Variants in COL25A1 observed in about 807,000 individuals in gnomAD.
The protein encoded by COL25A1 is collagen alpha-1(XXV) chain.
Under a neutral mutation model 128.4 loss-of-function variants are expected in COL25A1, and 103 were observed. The ratio of observed to expected loss-of-function variants is 0.80; its 90% confidence interval spans 0.68 to 0.94. The LOEUF (loss-of-function observed/expected upper bound fraction) is 0.94. Among genes scored for constraint, COL25A1 ranks in the 40% least tolerant of loss-of-function variants. The probability of loss-of-function intolerance (pLI) is 0.00; values close to 1 mark genes in which losing one functional copy is unlikely to be tolerated. For synonymous variants in COL25A1, 279 were observed against 277.2 expected, an observed-to-expected ratio of 1.01 and a Z score of -0.06; for missense variants, 745 against 840.0, an observed-to-expected ratio of 0.89 and a Z score of 1.40.
chr4:109,287,986 G>C (rs932241319), intron 3 of COL25A1, among the ~76,000 whole-genome samples: 2 of 151,980 alleles, frequency 1.3e-5, no homozygotes, highest in African/African-American at 4.8e-5. Flanking sequence ...ACATGCATGA[G>C]TAAGATGGGA....
At chr4:109,206,956 C>T (rs1177120276) in intron 3 of COL25A1, among the ~76,000 whole-genome samples, 1 of 152,172 alleles carries the variant, frequency 6.6e-6, no homozygotes, top group Non-Finnish European at 1.5e-5. Context: ...GGCATTCCTT[C>T]ATTACGTATA....
chr4:108,920,653 CT>C, intron 11 of COL25A1, 49 bp from the exon 12 acceptor site: 1 of 1,425,354 alleles, frequency 7.0e-7, no homozygotes, highest in Non-Finnish European at 9.8e-7. Context: ...GCCATTTAAG[CT>C]TAGATGACCA....
chr4:109,236,273 T>G (rs949165751), intron 3 of COL25A1, among the ~76,000 whole-genome samples: 58 of 152,212 alleles, frequency 3.8e-4, no homozygotes, highest in African/African-American at 1.4e-3. Flanking sequence ...AAACTTTATG[T>G]TATACACAAT....
chr4:109,218,357 G>GTT (rs34056401), intron 3 of COL25A1, among the ~76,000 whole-genome samples: 3,622 of 73,198 alleles, frequency 0.049, 90 homozygotes, highest in South Asian at 0.1. Flanking sequence ...GTTTTTTGGG[G>GTT]TTTTTTTTTT....
At chr4:109,122,562 T>C (rs866468756) in intron 3 of COL25A1, among the ~76,000 whole-genome samples, 1 of 152,046 alleles carries the variant, frequency 6.6e-6, no homozygotes, top group Non-Finnish European at 1.5e-5. Flanking sequence ...AAGAAAGTGC[T>C]ATAGGAATTA....
chr4:109,239,392 GTGTATATA>G (rs1182411425), intron 3 of COL25A1, among the ~76,000 whole-genome samples: 1,375 of 95,218 alleles, frequency 0.014, 27 homozygotes, highest in African/African-American at 0.068. Flanking sequence ...GTGTGTGTGT[GTGTATATA>G]TATATATATA....
At chr4:108,992,570 G>A (rs1754328139) in intron 6 of COL25A1, among the ~76,000 whole-genome samples, 2 of 152,098 alleles carry the variant, frequency 1.3e-5, no homozygotes, top group Non-Finnish European at 1.5e-5. Flanking sequence ...CAAATAAATT[G>A]TTACAAAATA....
intron 3 of COL25A1, among the ~76,000 whole-genome samples, chr4:109,255,235 T>C (rs1042964489): frequency 5.9e-5 from 9 of 152,210 alleles, no homozygotes; most frequent in Non-Finnish European, 1.2e-4. Flanking sequence ...ATTTTGCCCA[T>C]AAAATAGTAC....
In COL25A1 at chr4:108,899,366, A is replaced by G. The variant is rs116133533; in HGVS notation, c.835-186T>C. Among the ~76,000 whole-genome samples the G allele has an allele frequency of 9.1e-3, 1,385 of 152,300 alleles. 23 individuals are homozygous for G. The highest frequency in any genetic ancestry group is 0.031 in the African/African-American group (1,304 of 41,558). On this transcript the variant is annotated intron_variant, in intron 14 of 37. Transcript: ENST00000399132. ...AGTTTCCTGGAGAATTTGAGTATGA[A>G]TATCAATTATCAAATGTAATCTTAA...
At chr4:109,092,389 G>A (rs1166946846) in intron 3 of COL25A1, among the ~76,000 whole-genome samples, 3 of 152,192 alleles carry the variant, frequency 2.0e-5, no homozygotes, top group South Asian at 2.1e-4. Context: ...GGAGGCTGAG[G>A]TGAGAGGATT....
rs1756247222 is a variant in COL25A1, at chr4:109,008,420, T to G, written c.438+1938A>C. On this transcript the variant is annotated intron_variant, in intron 6 of 37. Transcript: ENST00000399132. Reference sequence around the variant, plus strand: ...TGGTTTTGTTGCCTTCCCTGTGTCATTTCTCCACTCTCTCACGATGCTTTC... The same window carrying G: ...TGGTTTTGTTGCCTTCCCTGTGTCAGTTCTCCACTCTCTCACGATGCTTTC... 3.9e-5 allele frequency among the ~76,000 whole-genome samples: 6 copies of G among 152,316 alleles called. No homozygotes were observed. The South Asian group carries it at 1.2e-3, about 32-fold the overall frequency.
chr4:109,192,682 T>A (rs868377380), intron 3 of COL25A1, among the ~76,000 whole-genome samples: 5 of 151,868 alleles, frequency 3.3e-5, no homozygotes, highest in African/African-American at 4.8e-5. Flanking sequence ...TGAAACCCTG[T>A]CTCTATTAAA....
At chr4:109,165,625 G>A (rs370458632) in intron 3 of COL25A1, among the ~76,000 whole-genome samples, 9 of 152,126 alleles carry the variant, frequency 5.9e-5, no homozygotes, top group African/African-American at 1.9e-4. Flanking sequence ...GCTGAAGCAG[G>A]AGGATCACTT....
chr4:109,009,779 AT>A (rs1256722135), intron 6 of COL25A1, among the ~76,000 whole-genome samples: 2 of 152,074 alleles, frequency 1.3e-5, no homozygotes, highest in African/African-American at 2.4e-5. Context: ...AAACTCACGT[AT>A]TTTTTTGTAT....
At chr4:109,146,116 A>G (rs1018134596) in intron 3 of COL25A1, among the ~76,000 whole-genome samples, 1 of 152,212 alleles carries the variant, frequency 6.6e-6, no homozygotes, top group African/African-American at 2.4e-5. Flanking sequence ...AGAAATATTC[A>G]TCTTGCTGTA....
At chr4:109,014,318 G>A (rs1757002207) in intron 5 of COL25A1, among the ~76,000 whole-genome samples, 1 of 144,602 alleles carries the variant, frequency 6.9e-6, no homozygotes, top group South Asian at 2.2e-4. Flanking sequence ...AAAAAAAAAA[G>A]TGTAAACATG....
chr4:108,845,901 G>C (rs1028212357), intron 28 of COL25A1, among the ~76,000 whole-genome samples: 2 of 151,736 alleles, frequency 1.3e-5, no homozygotes, highest in Non-Finnish European at 2.9e-5. Flanking sequence ...TTATCTTCTA[G>C]GGAAAACAAT....
chr4:109,161,673 A>G (rs1288625639), intron 3 of COL25A1, among the ~76,000 whole-genome samples: 1 of 152,238 alleles, frequency 6.6e-6, no homozygotes, highest in African/African-American at 2.4e-5. Context: ...TCCATGTTTA[A>G]ACTCTGGAAG....
At chr4:109,211,290 CTATA>C (rs753994624) in intron 3 of COL25A1, among the ~76,000 whole-genome samples, 2,564 of 101,858 alleles carry the variant, frequency 0.025, 40 homozygotes, top group African/African-American at 0.03. Flanking sequence ...ATATATGAAA[CTATA>C]TATATATATA....
Sources: allele counts gnomAD v4.1 joint callset (sites outside exome capture counted in the v4.1 genomes callset), GRCh38; gene constraint gnomAD v4.1.1; transcripts MANE v1.5; gene names NCBI Gene and HGNC (gene_info 2026-07-23, HGNC 2026-07-21).